ZCCHC14: variants seen among roughly 807,000 people sequenced by gnomAD.
ZCCHC14 encodes the protein zinc finger CCHC domain-containing protein 14.
In ZCCHC14, 16 loss-of-function variants were observed where a neutral mutation model predicts 85.0. The observed-to-expected ratio is 0.19, with a 90% CI of 0.13 to 0.29. ZCCHC14 has a LOEUF of 0.29. ZCCHC14 is among the 10% of genes least tolerant of loss of function. The probability of loss-of-function intolerance (pLI) is 1.00; values close to 1 mark genes in which losing one functional copy is unlikely to be tolerated. For synonymous variants in ZCCHC14, 775 were observed against 630.7 expected, an observed-to-expected ratio of 1.23 and a Z score of -3.43; for missense variants, 1,303 against 1,443.5, an observed-to-expected ratio of 0.90 and a Z score of 1.58.
intron 2 of ZCCHC14, among the ~76,000 whole-genome samples, chr16:87,457,289 C>A (rs1468481744): frequency 6.6e-6 from 1 of 152,230 alleles, no homozygotes; most frequent in Non-Finnish European, 1.5e-5. Context: ...GTGTGTTTTC[C>A]ACTTTCAGTA....
Position 87,460,016 on chromosome 16 carries a change from T to C in ZCCHC14, c.686A>G (p.His229Arg). ...ESLPKRPLGKHSKVSVEKIDL... is the reference protein window; with the variant it reads ...ESLPKRPLGKRSKVSVEKIDL... Reference sequence around the variant, plus strand: ...CCCGTGCGTGCACTCACCTTTGCTGTGTTTTCCTAAGGGCCTCTTGGGCAG... The same window carrying C: ...CCCGTGCGTGCACTCACCTTTGCTGCGTTTTCCTAAGGGCCTCTTGGGCAG... Residue 229 changes from histidine to arginine, a missense_variant, in exon 2 of 13, where the codon CAC becomes CGC. Coordinates refer to ENST00000671377, the MANE Select transcript of ZCCHC14 (RefSeq NM_015144.3). The C allele has an allele frequency of 6.2e-7, 1 of 1,614,178 alleles. No individual in the cohort carries two copies. The highest frequency in any genetic ancestry group is 1.1e-5 in the South Asian group (1 of 91,080).
intron 6 of ZCCHC14, 39 bp from the exon 7 acceptor site, chr16:87,418,940 C>A (rs4240794): frequency 0.96 from 1,452,558 of 1,520,110 alleles, 699,219 homozygotes; most frequent in East Asian, 1. Flanking sequence ...AATTTACAGA[C>A]AATGAAAATA....
chr16:87,437,081 A>C (rs935638145), intron 2 of ZCCHC14, among the ~76,000 whole-genome samples: 1 of 152,118 alleles, frequency 6.6e-6, no homozygotes, highest in Non-Finnish European at 1.5e-5. Context: ...TCACACCTGT[A>C]ATCCCAGCAC....
At chr16:87,442,036 G>C (rs933338434) in intron 2 of ZCCHC14, among the ~76,000 whole-genome samples, 2 of 152,320 alleles carry the variant, frequency 1.3e-5, no homozygotes, top group South Asian at 4.1e-4. Context: ...TTTCTGGCTG[G>C]AGGACCAAAA....
In ZCCHC14 at chr16:87,474,547, T is replaced by TA. The variant is rs539734371; in HGVS notation, c.571-14417dup. ...ATAACTATAAACTCTGGACAAAGCA[T>TA]AAAAAAACAAACTGAACAGGACCAA... is the stretch of plus-strand genomic sequence containing the variant. On this transcript the variant is annotated intron_variant, in intron 1 of 12. Coordinates refer to ENST00000671377, the MANE Select transcript of ZCCHC14 (RefSeq NM_015144.3). Among the ~76,000 whole-genome samples, 242 of 151,970 alleles carry TA rather than the reference T, an allele frequency of 1.6e-3. 2 individuals carry two copies. The highest frequency in any genetic ancestry group is 0.014 in the East Asian group (71 of 5,168).
intron 2 of ZCCHC14, among the ~76,000 whole-genome samples, chr16:87,446,167 CAA>C (rs567505964): frequency 6.5e-4 from 35 of 54,112 alleles, no homozygotes; most frequent in East Asian, 8.7e-4. Context: ...AACTCCGTCT[CAA>C]AAAAAAAAAA....
rs1403204586 is a variant in ZCCHC14, at chr16:87,477,088, G to C, written c.570+14581C>G. ...TGCAGTGAGCCAAGATCGCTACATT[G>C]TACTCTAGCCTGACAGAGAGAGACT... On this transcript the variant is annotated intron_variant, in intron 1 of 12. Transcript: ENST00000671377. Among the ~76,000 whole-genome samples the C allele has an allele frequency of 4.2e-5, 5 of 119,130 alleles. No individual in the cohort carries two copies. The East Asian group carries it at 1.4e-3, about 33-fold the overall frequency. The allele number at this position is 119,130 out of a possible 152,430, so 78.2% of individuals were successfully genotyped here.
chr16:87,458,262 G>A (rs1424141719), intron 2 of ZCCHC14, among the ~76,000 whole-genome samples: 1 of 152,210 alleles, frequency 6.6e-6, no homozygotes, highest in African/African-American at 2.4e-5. Flanking sequence ...TTTCTCCTGG[G>A]ATGGCATGGG....
At chr16:87,417,908 C>T in intron 7 of ZCCHC14, 166 bp from the exon 8 acceptor site, 1 of 754,590 alleles carries the variant, frequency 1.3e-6, no homozygotes, top group Middle Eastern at 3.9e-4. Flanking sequence ...TATGACTGCC[C>T]TCCCTCCCCA....
At chr16:87,442,443 G>C (rs745692441) in intron 2 of ZCCHC14, among the ~76,000 whole-genome samples, 2 of 152,134 alleles carry the variant, frequency 1.3e-5, no homozygotes, top group Non-Finnish European at 1.5e-5. Flanking sequence ...ACAGATGCTA[G>C]AACTACCAAA....
intron 2 of ZCCHC14, among the ~76,000 whole-genome samples, chr16:87,439,731 T>G (rs1910096507): frequency 6.6e-6 from 1 of 152,120 alleles, no homozygotes; most frequent in African/African-American, 2.4e-5. Flanking sequence ...CCACATACAT[T>G]TTAAACAAAC....
chr16:87,491,661 G>A lies in ZCCHC14; in HGVS notation c.570+8C>T. 1 of 1,410,270 alleles carries A rather than the reference G, an allele frequency of 7.1e-7. No homozygotes were observed. Among genetic ancestry groups the A allele is most frequent in the Admixed American group, 3.5e-5 (1 of 28,342 alleles). 87.4% of individuals were successfully genotyped at this position (1,410,270 alleles called of 1,614,324 possible). On this transcript the variant is annotated splice_region_variant and intron_variant, in intron 1 of 12. Transcript: ENST00000671377. The surrounding 1 kb of genome is among the most constrained non-coding windows in gnomAD (Gnocchi z 5.9). Reference sequence around the variant, plus strand: ...GGGTACAGGGCAGAGCTCGGGGCGGGCACGCACCTTGTGGCAGGCTGGGCA... The same window carrying A: ...GGGTACAGGGCAGAGCTCGGGGCGGACACGCACCTTGTGGCAGGCTGGGCA...
intron 1 of ZCCHC14, among the ~76,000 whole-genome samples, chr16:87,467,856 T>A (rs1464335775): frequency 6.6e-6 from 1 of 152,200 alleles, no homozygotes; most frequent in Non-Finnish European, 1.5e-5. Flanking sequence ...TTTCACCGTG[T>A]TAGCCAGGAT....
chr16:87,427,392 A>C (rs1164858574), intron 3 of ZCCHC14, among the ~76,000 whole-genome samples: 2 of 152,168 alleles, frequency 1.3e-5, no homozygotes, highest in Non-Finnish European at 2.9e-5. Flanking sequence ...CGGAGCAGTC[A>C]GTGTTGCTTG....
chr16:87,455,486 G>C (rs572042852), intron 2 of ZCCHC14, among the ~76,000 whole-genome samples: 1 of 152,276 alleles, frequency 6.6e-6, no homozygotes, highest in African/African-American at 2.4e-5. Flanking sequence ...TCTTAAATGG[G>C]GGGCTCATAG....
intron 4 of ZCCHC14, among the ~76,000 whole-genome samples, chr16:87,423,563 G>A (rs373045030): frequency 3.9e-4 from 59 of 152,258 alleles, no homozygotes; most frequent in Middle Eastern, 6.8e-3. Context: ...CATGCCCGGC[G>A]CATCTCTCAG....
intron 2 of ZCCHC14, among the ~76,000 whole-genome samples, chr16:87,446,200 T>C (rs1031683767): frequency 2.1e-5 from 3 of 145,632 alleles, no homozygotes; most frequent in African/African-American, 5.1e-5. Context: ...AAAAAAAAAA[T>C]TGGCAGGGTG....
intron 2 of ZCCHC14, among the ~76,000 whole-genome samples, chr16:87,448,504 C>A (rs1208252920): frequency 2.0e-5 from 3 of 151,918 alleles, no homozygotes; most frequent in African/African-American, 4.9e-5. Flanking sequence ...CATGCTCCTT[C>A]CTTTCATCTT....
intron 1 of ZCCHC14, among the ~76,000 whole-genome samples, chr16:87,484,252 G>A (rs1380713452): frequency 6.6e-6 from 1 of 152,194 alleles, no homozygotes; most frequent in Admixed American, 6.5e-5. Context: ...AAAACGTCCT[G>A]GGTGCCCTTC....
Sources: allele counts gnomAD v4.1 joint callset (sites outside exome capture counted in the v4.1 genomes callset), GRCh38; gene constraint gnomAD v4.1.1; non-coding constraint Gnocchi (gnomAD v3.1); transcripts MANE v1.5; gene names NCBI Gene and HGNC (gene_info 2026-07-23, HGNC 2026-07-21).